MASP1: variants seen among roughly 807,000 people sequenced by gnomAD.
The protein encoded by MASP1 is MBL associated serine protease 1.
In MASP1, 59 loss-of-function variants were observed where a neutral mutation model predicts 77.1. The observed-to-expected ratio is 0.77, with a 90% CI of 0.62 to 0.95. MASP1 has a LOEUF of 0.95. Ranked by LOEUF, MASP1 falls within the 40% of genes least tolerant of loss-of-function variation. MASP1 has a pLI of 0.00. For synonymous variants in MASP1, 362 were observed against 354.5 expected (o/e 1.02, Z -0.24); for missense variants, 885 against 912.9 (o/e 0.97, Z 0.39).
intron 12 of MASP1, chr3:187,226,141 T>C: frequency 2.1e-6 from 1 of 486,612 alleles, no homozygotes; most frequent in Admixed American, 3.3e-5. Context: ...TTCATGGAAA[T>C]CTAACAGGTC....
rs527241243 is a variant in MASP1, at chr3:187,223,186, C to T, written c.1750G>A (p.Val584Ile). The stretch of plus-strand genomic sequence containing the variant: ...TGCTTCCCCCAGCCGCTGACGATGA[C>T]CATGGCTCCTGGAGGAGAGAAGATA... The change falls in exon 14 of 16, where the codon GTC (valine) becomes ATC (isoleucine). Residue 584 changes from valine (V) to isoleucine (I), a missense_variant. Val to Ile is a conservative substitution (Grantham distance 29, BLOSUM62 3). Transcript: ENST00000337774. 37 of 1,614,112 alleles carry T rather than the reference C, an allele frequency of 2.3e-5. No homozygotes were observed. In the South Asian group the frequency reaches 4.0e-4, roughly 17 times the overall value.
intron 2 of MASP1, among the ~76,000 whole-genome samples, chr3:187,265,994 C>T (rs1334920633): frequency 6.6e-6 from 1 of 152,146 alleles, no homozygotes; most frequent in Non-Finnish European, 1.5e-5. Flanking sequence ...TCATTTACCT[C>T]TGAGTATAGG....
chr3:187,234,359 T>G lies in MASP1; in HGVS notation c.*1325A>C, dbSNP rs1258715211. On this transcript the variant is annotated 3_prime_UTR_variant, in exon 11 of 11. Transcript: ENST00000296280. ...GGGAGAAGGAGAACAATCAGCCCTG[T>G]GAGGGCCAGAGAGGCTGCTAGCAGT... 1.6e-6 allele frequency: 2 copies of G among 1,287,086 alleles called. No homozygotes were observed. The highest frequency in any genetic ancestry group is 3.0e-5 in the African/African-American group (2 of 65,778). 79.7% of individuals were successfully genotyped at this position (1,287,086 alleles called of 1,614,324 possible).
At chr3:187,279,919 G>A (rs990663543) in intron 2 of MASP1, among the ~76,000 whole-genome samples, 2 of 152,144 alleles carry the variant, frequency 1.3e-5, no homozygotes, top group Admixed American at 6.5e-5. Flanking sequence ...CTATGGAACC[G>A]TGAATTCCTT....
intron 4 of MASP1, among the ~76,000 whole-genome samples, chr3:187,258,366 C>G (rs1715276890): frequency 6.6e-6 from 1 of 152,198 alleles, no homozygotes; most frequent in Non-Finnish European, 1.5e-5. Context: ...CGTTTAGACC[C>G]TAACTGTAAT....
downstream of MASP1, among the ~76,000 whole-genome samples, chr3:187,232,636 A>G (rs180879017): frequency 6.6e-6 from 1 of 152,286 alleles, no homozygotes; most frequent in East Asian, 1.9e-4. Context: ...GTAAATCCCT[A>G]GGAGAAGGAG....
intron 13 of MASP1, among the ~76,000 whole-genome samples, chr3:187,223,667 C>T (rs1463212928): frequency 1.3e-5 from 2 of 152,184 alleles, no homozygotes; most frequent in Non-Finnish European, 2.9e-5. Context: ...AATGAGGAGG[C>T]TGGACTTGGT....
chr3:187,250,628 G>A (rs1220451569), intron 7 of MASP1, among the ~76,000 whole-genome samples: 1 of 152,160 alleles, frequency 6.6e-6, no homozygotes, highest in Non-Finnish European at 1.5e-5. Context: ...CTCAAACCAG[G>A]GCAAGCGGTC....
intron 2 of MASP1, among the ~76,000 whole-genome samples, chr3:187,264,604 G>A (rs988600164): frequency 3.9e-5 from 6 of 152,064 alleles, no homozygotes; most frequent in Admixed American, 2.6e-4. Context: ...GATAATCTTG[G>A]GGATATTGAG....
chr3:187,235,010 C>T lies in MASP1; in HGVS notation c.*674G>A. 1 of 1,287,236 alleles carries T rather than the reference C, an allele frequency of 7.8e-7. No individual in the cohort carries two copies. The highest frequency in any genetic ancestry group is 1.0e-6 in the Non-Finnish European group (1 of 988,694). 79.7% of individuals were successfully genotyped at this position (1,287,236 alleles called of 1,614,324 possible). Reference sequence around the variant, plus strand: ...TTCTGCTCCCAGCAGTCAGCACAAACCTTCCCAACTTTCTCCATGTCTTTT... The same window carrying T: ...TTCTGCTCCCAGCAGTCAGCACAAATCTTCCCAACTTTCTCCATGTCTTTT... On this transcript the variant is annotated 3_prime_UTR_variant, in exon 11 of 11. Transcript: ENST00000296280.
chr3:187,241,879 C>T (rs941214307), intron 9 of MASP1: 2 of 323,220 alleles, frequency 6.2e-6, no homozygotes, highest in Non-Finnish European at 1.2e-5. Flanking sequence ...GGGAATGTGA[C>T]CATGTCCTTT....
At chr3:187,228,179 C>T (rs955701306) in intron 11 of MASP1, among the ~76,000 whole-genome samples, 2 of 150,984 alleles carry the variant, frequency 1.3e-5, no homozygotes, top group African/African-American at 4.9e-5. Context: ...CCTAGCTACT[C>T]GGGAGGCTGA....
rs1425748560 is a variant in MASP1, at chr3:187,286,825, C to T, written c.6-769G>A. Among the ~76,000 whole-genome samples the T allele has an allele frequency of 2.0e-5, 3 of 152,208 alleles. No homozygotes were observed. The East Asian group carries it at 5.8e-4, about 29-fold the overall frequency. On this transcript the variant is annotated intron_variant, in intron 1 of 10. Coordinates refer to ENST00000296280, the MANE Select transcript of MASP1 (RefSeq NM_139125.4). The stretch of plus-strand genomic sequence containing the variant: ...CCCTGTGAGGTCCAGTAACCTTGAA[C>T]TTAATGGGCCCAAACTTGCCTCATC...
At chr3:187,230,958 G>A (rs1436057532), downstream of MASP1, among the ~76,000 whole-genome samples, 1 of 152,156 alleles carries the variant, frequency 6.6e-6, no homozygotes, top group African/African-American at 2.4e-5. Flanking sequence ...CTTTGTAGCT[G>A]TCACCAGGCT....
rs772064936 is a variant in MASP1 at position 187,235,918 on chromosome 3, G to A, written c.1953C>T (p.Gly651=). The change falls in exon 11 of 11, where the codon GGC becomes GGT. Residue 651 remains glycine, a synonymous_variant. Coordinates refer to ENST00000296280, the MANE Select transcript of MASP1 (RefSeq NM_139125.4). ...ACGTGTCTTTGCCGCCCTCGTAGTAGCCAGCACAGAACATGTTCTCCGTGA... is the reference window on the plus strand; with the variant it reads ...ACGTGTCTTTGCCGCCCTCGTAGTAACCAGCACAGAACATGTTCTCCGTGA... ...YSVTENMFCA[G]YYEGGKDTCL... 3 of 1,614,132 alleles carry A rather than the reference G, an allele frequency of 1.9e-6. No individual in the cohort carries two copies. Among genetic ancestry groups the A allele is most frequent in the Non-Finnish European group, 2.5e-6 (3 of 1,180,054 alleles).
At chr3:187,287,714 G>A (rs545146399) in intron 1 of MASP1, among the ~76,000 whole-genome samples, 95 of 152,326 alleles carry the variant, frequency 6.2e-4, no homozygotes, top group Admixed American at 1.0e-3. Flanking sequence ...TGAAAGTGGG[G>A]CCTGAGTCTT....
Position 187,251,604 on chromosome 3 carries a change from C to T in MASP1, c.1011+30G>A, listed in dbSNP as rs748070116. 6 of 1,575,574 alleles carry T rather than the reference C, an allele frequency of 3.8e-6. No homozygotes were observed. In the South Asian group the frequency reaches 6.7e-5, roughly 17 times the overall value. ...GTTTCGAGAGTTTCTGTGGCCTGGT[C>T]ACTCCCCTTTCCCAGGCAAGGCTCT... On this transcript the variant is annotated intron_variant, in intron 7 of 10. Coordinates refer to ENST00000296280, the MANE Select transcript of MASP1 (RefSeq NM_139125.4).
chr3:187,217,374 A>G (rs1473294541), exon 16 of MASP1: 1 of 152,246 alleles, frequency 6.6e-6, no homozygotes, highest in Non-Finnish European at 1.5e-5. Context: ...CATGATTATT[A>G]TTGCTAACAG....
intron 8 of MASP1, among the ~76,000 whole-genome samples, chr3:187,245,852 C>T (rs1383978538): frequency 6.6e-6 from 1 of 152,194 alleles, no homozygotes; most frequent in Non-Finnish European, 1.5e-5. Flanking sequence ...TTCTTGTTGC[C>T]ACTTATTTTT....
Sources: allele counts gnomAD v4.1 joint callset (sites outside exome capture counted in the v4.1 genomes callset), GRCh38; gene constraint gnomAD v4.1.1; transcripts MANE v1.5; gene names NCBI Gene and HGNC (gene_info 2026-07-23, HGNC 2026-07-21).